Variants in GRAMD4 observed in about 807,000 individuals in gnomAD.
GRAMD4 encodes GRAM domain-containing protein 4.
In GRAMD4, 25 loss-of-function variants were observed where a neutral mutation model predicts 83.9. That is an observed-to-expected ratio of 0.30 (90% CI 0.22 to 0.42). GRAMD4 has a LOEUF of 0.42. GRAMD4 is among the 10% of genes least tolerant of loss of function. The probability of loss-of-function intolerance (pLI) is 1.00; values close to 1 mark genes in which losing one functional copy is unlikely to be tolerated. For synonymous variants in GRAMD4, 336 were observed against 320.9 expected, an observed-to-expected ratio of 1.05 and a Z score of -0.50; for missense variants, 593 against 788.7, an observed-to-expected ratio of 0.75 and a Z score of 2.97.
chr22:46,635,317 A>G (rs1427463385), intron 2 of GRAMD4, among the ~76,000 whole-genome samples: 100 of 5,240 alleles, frequency 0.019, 1 homozygote, highest in South Asian at 0.045. Context: ...GTCCTGGGGG[A>G]CCGTGTCCTC....
At chr22:46,584,090 C>T (rs1273655814) in intron 1 of GRAMD4, among the ~76,000 whole-genome samples, 3 of 152,112 alleles carry the variant, frequency 2.0e-5, no homozygotes, top group African/African-American at 7.2e-5. Context: ...CCAGTGCTGG[C>T]CGTCGGGTTC....
Position 46,678,407 on chromosome 22 carries a change from G to A in GRAMD4, c.*1156G>A, listed in dbSNP as rs1044121987. 8 of 957,164 alleles carry A rather than the reference G, an allele frequency of 8.4e-6. No homozygotes were observed. The highest frequency in any genetic ancestry group is 6.3e-5 in the Admixed American group (1 of 15,888). The allele number at this position is 957,164 out of a possible 1,614,324, so 59.3% of individuals were successfully genotyped here. On this transcript the variant is annotated 3_prime_UTR_variant, in exon 19 of 19. Transcript: ENST00000406902. ...CCGGGCACAGACCCCCCCAGCCCCCGCCCTGCCCCAGGGAAGCCTGGGCTT... is the reference window on the plus strand; with the variant it reads ...CCGGGCACAGACCCCCCCAGCCCCCACCCTGCCCCAGGGAAGCCTGGGCTT...
chr22:46,675,656 C>A, intron 17 of GRAMD4, 104 bp downstream of exon 17: 1 of 790,302 alleles, frequency 1.3e-6, no homozygotes, highest in Non-Finnish European at 2.2e-6. Flanking sequence ...CTGTCAGCAT[C>A]TGGGCGCCGC....
chr22:46,643,108 C>T (rs2082000980), intron 3 of GRAMD4, among the ~76,000 whole-genome samples: 5 of 151,548 alleles, frequency 3.3e-5, no homozygotes, highest in East Asian at 1.9e-4. Context: ...TCCATCCATC[C>T]ATCCATCCAT....
At chr22:46,597,222 C>G (rs576679576) in intron 1 of GRAMD4, among the ~76,000 whole-genome samples, 2 of 152,274 alleles carry the variant, frequency 1.3e-5, no homozygotes, top group East Asian at 3.9e-4. Context: ...CTGCTCAGTG[C>G]CCTGTGTCCC....
intron 3 of GRAMD4, among the ~76,000 whole-genome samples, chr22:46,647,738 C>G (rs1425905941): frequency 6.6e-6 from 1 of 152,288 alleles, no homozygotes; most frequent in Non-Finnish European, 1.5e-5. Flanking sequence ...CACATCCCAG[C>G]TCCCTGGCCT....
chr22:46,602,369 C>A (rs1057082574), intron 1 of GRAMD4, among the ~76,000 whole-genome samples: 7 of 152,310 alleles, frequency 4.6e-5, no homozygotes, highest in African/African-American at 1.7e-4. Flanking sequence ...GAAGTGGTTT[C>A]CCAAGGCAAT....
chr22:46,591,689 C>T (rs996155483), intron 1 of GRAMD4, among the ~76,000 whole-genome samples: 7 of 151,742 alleles, frequency 4.6e-5, no homozygotes, highest in Non-Finnish European at 7.4e-5. Context: ...AAAAATTAGC[C>T]GGGTGTGGTG....
chr22:46,602,225 G>T (rs1278105870), intron 1 of GRAMD4, among the ~76,000 whole-genome samples: 2 of 152,212 alleles, frequency 1.3e-5, no homozygotes, highest in Admixed American at 1.3e-4. Flanking sequence ...GAGACTAGGA[G>T]AGCTTCCTGG....
intron 2 of GRAMD4, among the ~76,000 whole-genome samples, chr22:46,627,916 G>A (rs994894076): frequency 5.9e-5 from 9 of 152,302 alleles, no homozygotes; most frequent in African/African-American, 1.7e-4. Flanking sequence ...TGCCGGGATC[G>A]GCCATCCCCA....
chr22:46,680,812 A>C, downstream of GRAMD4, among the ~76,000 whole-genome samples: 1 of 75,452 alleles, frequency 1.3e-5, no homozygotes. Context: ...CTACCCATCC[A>C]TCCATCCATC....
At chr22:46,642,907 CTATT>C (rs1290962584) in intron 3 of GRAMD4, among the ~76,000 whole-genome samples, 1 of 151,596 alleles carries the variant, frequency 6.6e-6, no homozygotes, top group African/African-American at 2.4e-5. Flanking sequence ...ATCCATCCAT[CTATT>C]TATCCATCCA....
At chr22:46,638,897 A>G (rs1601611419) in intron 3 of GRAMD4, among the ~76,000 whole-genome samples, 1 of 152,128 alleles carries the variant, frequency 6.6e-6, no homozygotes, top group African/African-American at 2.4e-5. Flanking sequence ...TGTGTACCAG[A>G]CAGCCAGTGC....
chr22:46,674,414 C>G (rs929629945), intron 15 of GRAMD4, among the ~76,000 whole-genome samples: 1 of 152,202 alleles, frequency 6.6e-6, no homozygotes, highest in Non-Finnish European at 1.5e-5. Context: ...TCTGTTGCTC[C>G]CTGCTCTGCC....
intron 1 of GRAMD4, among the ~76,000 whole-genome samples, chr22:46,587,325 A>T (rs924986945): frequency 1.3e-5 from 2 of 152,006 alleles, no homozygotes; most frequent in African/African-American, 4.8e-5. Context: ...CACATTCTCC[A>T]CCCAAGAAGT....
At position 46,672,983 on chromosome 22, in the gene GRAMD4, G is replaced by A. The variant is rs773434073; in HGVS notation, c.1225G>A (p.Ala409Thr). ...GCAGCTCAAGGAGCGCTCCAGCGCCGCAGTCTCACGCAGGGTGAGCCCGGC... is the reference window on the plus strand; with the variant it reads ...GCAGCTCAAGGAGCGCTCCAGCGCCACAGTCTCACGCAGGGTGAGCCCGGC... ...DPQLKERSSA[A>T]VSRRLQTTSS... The change falls in exon 14 of 19, where the codon GCA becomes ACA. Residue 409 changes from alanine to threonine, a missense_variant. By Grantham distance (58) the Ala-to-Thr change is moderately conservative. This residue lies in a region of GRAMD4 where 171 missense variants were observed against 199.6 expected (regional missense o/e 0.86). Coordinates refer to ENST00000406902, the MANE Select transcript of GRAMD4 (RefSeq NM_015124.5). This position sits in a 1 kb window ranked among gnomAD's most constrained non-coding sequence, Gnocchi z 4.7. 2.3e-5 allele frequency: 37 copies of A among 1,599,262 alleles called. 1 individual carries two copies. Among genetic ancestry groups the A allele is most frequent in the South Asian group, 1.2e-4 (11 of 89,914 alleles).
At chr22:46,667,124 G>A (rs556804048) in intron 10 of GRAMD4, among the ~76,000 whole-genome samples, 7 of 152,354 alleles carry the variant, frequency 4.6e-5, no homozygotes, top group Admixed American at 1.3e-4. Flanking sequence ...CCTGGCCCTG[G>A]CCAGGCTTCC....
intron 3 of GRAMD4, among the ~76,000 whole-genome samples, chr22:46,640,031 G>C (rs561817038): frequency 6.6e-6 from 1 of 152,262 alleles, no homozygotes; most frequent in East Asian, 1.9e-4. Flanking sequence ...CTCCCTGGGC[G>C]GTGGCAGCAG....
At chr22:46,591,321 C>T (rs146769575) in intron 1 of GRAMD4, among the ~76,000 whole-genome samples, 15 of 151,908 alleles carry the variant, frequency 9.9e-5, no homozygotes, top group South Asian at 8.3e-4. Flanking sequence ...AGTTTGAGAA[C>T]GGCCTGGGCA....
Sources: gnomAD v4.1 joint callset for allele counts (sites outside exome capture counted in the v4.1 genomes callset) on GRCh38, gnomAD v4.1.1 for gene constraint, gnomAD v4.1.1 regional missense constraint, Gnocchi (gnomAD v3.1) non-coding constraint, MANE v1.5 for transcripts, NCBI Gene and HGNC (gene_info 2026-07-23, HGNC 2026-07-21) for gene names.